Variants in AGBL1 observed in about 807,000 individuals in gnomAD.
AGBL1 encodes AGBL carboxypeptidase 1, also known as cytosolic carboxypeptidase 4.
AGBL1 carries 130 observed loss-of-function variants against 118.9 expected under a neutral mutation model. The observed-to-expected ratio is 1.09, with a 90% CI of 0.95 to 1.26. The LOEUF (loss-of-function observed/expected upper bound fraction) is 1.26. Among genes scored for constraint, AGBL1 ranks in the 50% most tolerant of loss-of-function variants. The pLI is 0.00. For missense variants in AGBL1, 1,584 were observed against 1,298.1 expected (o/e 1.22, Z -3.38); for synonymous variants, 555 against 478.9 (o/e 1.16, Z -2.08).
intron 23 of AGBL1, among the ~76,000 whole-genome samples, chr15:86,986,763 T>C (rs2081287944): frequency 6.6e-6 from 1 of 152,206 alleles, no homozygotes; most frequent in South Asian, 2.1e-4. Flanking sequence ...TGTACCTGCT[T>C]TGTTAAATTT....
In AGBL1 at chr15:86,192,156, GCACA is replaced by G. The variant is rs572669407; in HGVS notation, c.489-32749_489-32746del. Among the ~76,000 whole-genome samples the G allele has an allele frequency of 2.1e-4, 31 of 150,258 alleles. 1 individual carries two copies. The South Asian group carries it at 6.1e-3, about 30-fold the overall frequency. On this transcript the variant is annotated intron_variant, in intron 5 of 22. Coordinates refer to ENST00000614907, the MANE Select transcript of AGBL1 (RefSeq NM_001386094.1). ...CCCACACACATGCACGCATGCACGTGCACACACACACATGCACACACACACATAT... is the reference window on the plus strand; with the variant it reads ...CCCACACACATGCACGCATGCACGTGCACACACATGCACACACACACATAT...
At chr15:86,448,116 G>T (rs1261093225) in intron 18 of AGBL1, among the ~76,000 whole-genome samples, 1 of 152,186 alleles carries the variant, frequency 6.6e-6, no homozygotes, top group African/African-American at 2.4e-5. Flanking sequence ...CTGCACTCCA[G>T]CCTGGACGAC....
At position 86,962,101 on chromosome 15, in the gene AGBL1, C is replaced by G. The variant is rs1006948726; in HGVS notation, c.3222-25886C>G. On this transcript the variant is annotated intron_variant, in intron 23 of 24. Coordinates refer to the AGBL1 transcript ENST00000441037. The stretch of plus-strand genomic sequence containing the variant: ...TCTATTACAAATTGCAAATTCAATT[C>G]TCAAATTCAATTATCCTGGAGACAG... Among the ~76,000 whole-genome samples, 10 of 152,242 alleles carry G rather than the reference C, an allele frequency of 6.6e-5. No homozygotes were observed. The East Asian group carries it at 1.9e-3, about 29-fold the overall frequency.
chr15:86,692,728 T>C (rs2086193965), intron 22 of AGBL1, among the ~76,000 whole-genome samples: 1 of 152,112 alleles, frequency 6.6e-6, no homozygotes, highest in African/African-American at 2.4e-5. Flanking sequence ...ATACACGGAA[T>C]CCAATTTGTA....
intron 22 of AGBL1, among the ~76,000 whole-genome samples, chr15:86,782,907 A>G (rs1197074029): frequency 1.3e-5 from 2 of 152,200 alleles, no homozygotes; most frequent in East Asian, 3.8e-4. Context: ...ACTACTTTCT[A>G]TGTCAACGTC....
In AGBL1 at chr15:86,213,912, C is replaced by G. The variant is rs191882920; in HGVS notation, c.489-11002C>G. On this transcript the variant is annotated intron_variant, in intron 5 of 22. Transcript: ENST00000614907. Reference sequence around the variant, plus strand: ...TCTGTCTGTAATCATTAAGCAATAACTTCCCACTCCCCTTCCCCTCAACCC... The same window carrying G: ...TCTGTCTGTAATCATTAAGCAATAAGTTCCCACTCCCCTTCCCCTCAACCC... Among the ~76,000 whole-genome samples, 4 of 152,280 alleles carry G rather than the reference C, an allele frequency of 2.6e-5. No individual in the cohort carries two copies. In the East Asian group the frequency reaches 7.7e-4, roughly 29 times the overall value.
chr15:86,188,481 G>A (rs534361512), intron 5 of AGBL1, among the ~76,000 whole-genome samples: 11 of 152,242 alleles, frequency 7.2e-5, no homozygotes, highest in South Asian at 2.1e-4. Context: ...CTTGGCAGAC[G>A]TAACTAATAT....
chr15:86,369,429 A>C (rs74027523), intron 17 of AGBL1, among the ~76,000 whole-genome samples: 3,288 of 152,256 alleles, frequency 0.022, 112 homozygotes, highest in African/African-American at 0.076. Flanking sequence ...AAAATCTATA[A>C]TTTGATTGAC....
chr15:86,896,804 T>C (rs2080135315), intron 22 of AGBL1, among the ~76,000 whole-genome samples: 1 of 152,188 alleles, frequency 6.6e-6, no homozygotes, highest in South Asian at 2.1e-4. Flanking sequence ...CATTTCCAGA[T>C]TATCCTTAGT....
At chr15:86,699,064 A>G (rs2086311530) in intron 22 of AGBL1, among the ~76,000 whole-genome samples, 1 of 152,030 alleles carries the variant, frequency 6.6e-6, no homozygotes, top group Non-Finnish European at 1.5e-5. Flanking sequence ...GCAGGAAGAT[A>G]AAGTATTCTC....
intron 23 of AGBL1, among the ~76,000 whole-genome samples, chr15:86,956,701 G>C (rs189952916): frequency 1.5e-4 from 23 of 152,170 alleles, no homozygotes; most frequent in African/African-American, 5.3e-4. Context: ...GCTAGTATTT[G>C]ACCAAACAAT....
intron 18 of AGBL1, among the ~76,000 whole-genome samples, chr15:86,405,833 TA>T (rs113928718): frequency 0.027 from 3,878 of 141,490 alleles, 54 homozygotes; most frequent in Middle Eastern, 0.071. Flanking sequence ...AAGGAGATGC[TA>T]AAAAAAAAAA....
chr15:86,391,699 A>G (rs190448173), intron 17 of AGBL1, among the ~76,000 whole-genome samples: 153 of 134,238 alleles, frequency 1.1e-3, no homozygotes, highest in African/African-American at 4.3e-3. Context: ...ATTGTTCCCA[A>G]ACCCTTAGTA....
intron 22 of AGBL1, among the ~76,000 whole-genome samples, chr15:86,826,494 G>C (rs1207868803): frequency 2.6e-5 from 4 of 152,080 alleles, no homozygotes; most frequent in African/African-American, 9.7e-5. Context: ...TAAGTCAGTG[G>C]TCCTTACACT....
intron 19 of AGBL1, among the ~76,000 whole-genome samples, chr15:86,534,449 GAA>G (rs1474571647): frequency 6.6e-6 from 1 of 152,154 alleles, no homozygotes; most frequent in African/African-American, 2.4e-5. Flanking sequence ...CTGTGAAATT[GAA>G]AGTCCAGGAG....
chr15:86,166,316 A>G lies in AGBL1; in HGVS notation c.488+7290A>G, dbSNP rs16948852. 1.7e-3 allele frequency among the ~76,000 whole-genome samples: 261 copies of G among 152,348 alleles called. 1 individual carries two copies. Among genetic ancestry groups the G allele is most frequent in the African/African-American group, 6.1e-3 (254 of 41,578 alleles). On this transcript the variant is annotated intron_variant, in intron 5 of 22. Transcript: ENST00000614907. ...CAGCCTATGCCAACAAGAATGATGT[A>G]GTGTATGAGGAAGGCCTTGCATTCT...
Position 86,620,551 on chromosome 15 carries a change from T to A in AGBL1, c.2995-53722T>A, listed in dbSNP as rs1229017255. Among the ~76,000 whole-genome samples the A allele has an allele frequency of 3.3e-5, 5 of 152,172 alleles. No homozygotes were observed. In the East Asian group the frequency reaches 7.7e-4, roughly 23 times the overall value. On this transcript the variant is annotated intron_variant, in intron 21 of 22. Transcript: ENST00000614907. ...AGCTCCTTTGGCTTCCCCAGTGACCTTAATTATCACCTCATCAAGAATACA... is the reference window on the plus strand; with the variant it reads ...AGCTCCTTTGGCTTCCCCAGTGACCATAATTATCACCTCATCAAGAATACA...
At chr15:86,929,054 G>C (rs979159055) in intron 23 of AGBL1, among the ~76,000 whole-genome samples, 1 of 151,902 alleles carries the variant, frequency 6.6e-6, no homozygotes, top group African/African-American at 2.4e-5. Context: ...CAGAGTCTTG[G>C]TTCTGTCGAC....
At chr15:86,565,494 T>G (rs1232290528) in intron 21 of AGBL1, among the ~76,000 whole-genome samples, 1 of 152,228 alleles carries the variant, frequency 6.6e-6, no homozygotes, top group African/African-American at 2.4e-5. Context: ...CTCTGGAAGC[T>G]TTGTCTCAGA....
Sources: allele counts gnomAD v4.1 joint callset (sites outside exome capture counted in the v4.1 genomes callset), GRCh38; gene constraint gnomAD v4.1.1; transcripts MANE v1.5; gene names NCBI Gene and HGNC (gene_info 2026-07-23, HGNC 2026-07-21).